Variants in NFKB2 observed in about 807,000 individuals in gnomAD.
The protein encoded by NFKB2 is nuclear factor kappa B subunit 2, also known as nuclear factor NF-kappa-B p100 subunit.
Under a neutral mutation model 109.3 loss-of-function variants are expected in NFKB2, and 21 were observed. The observed-to-expected ratio is 0.19, with a 90% CI of 0.14 to 0.28. The LOEUF (loss-of-function observed/expected upper bound fraction) is 0.28, where lower values mean the gene tolerates loss of function less well. Among genes scored for constraint, NFKB2 ranks in the 10% least tolerant of loss-of-function variants. The pLI is 1.00. For synonymous variants in NFKB2, 478 were observed against 489.9 expected (o/e 0.98, Z 0.32); for missense variants, 806 against 1,185.3 (o/e 0.68, Z 4.70).
rs749416316 is a variant in NFKB2 at position 102,398,223 on chromosome 10, G to A, written c.778G>A (p.Val260Ile). The A allele has an allele frequency of 6.2e-7, 1 of 1,614,144 alleles. No individual in the cohort carries two copies. The highest frequency in any genetic ancestry group is 8.5e-7 in the Non-Finnish European group (1 of 1,180,022). ...CGTTTTCCTTGTAGATGACATTGAG[G>A]TTCGGTTCTATGAGGATGATGAGAA... ...CDKVQKDDIE[V>I]RFYEDDENGW... The change falls in exon 10 of 23, where the codon GTT (valine) becomes ATT (isoleucine). Residue 260 changes from valine (V) to isoleucine (I), a missense_variant. This residue lies in a region of NFKB2 where 64 missense variants were observed against 177.4 expected (regional missense o/e 0.36). Transcript: ENST00000661543. This position sits in a 1 kb window ranked among gnomAD's most constrained non-coding sequence, Gnocchi z 6.6.
At position 102,396,107 on chromosome 10, in the gene NFKB2, ATC is replaced by A. The variant is rs1565203918; in HGVS notation, c.21+129_21+130del. 2.7e-6 allele frequency: 4 copies of A among 1,474,700 alleles called. No homozygotes were observed. In the African/African-American group the frequency reaches 4.2e-5, roughly 15 times the overall value. 91.4% of individuals were successfully genotyped at this position (1,474,700 alleles called of 1,614,324 possible). A position where few individuals can be genotyped will look rare whatever the true frequency, so the allele number is the denominator to read the frequency against. ...ATGCTCTCAGCCTGCCAGTCTGTCC[ATC>A]TGTCTGCAACTCTGCCTCCAAAAGG... On this transcript the variant is annotated intron_variant, in intron 2 of 22. Transcript: ENST00000661543. This position sits in a 1 kb window ranked among gnomAD's most constrained non-coding sequence, Gnocchi z 5.9.
upstream of NFKB2, chr10:102,395,550 G>C: frequency 6.1e-6 from 2 of 328,982 alleles, no homozygotes; most frequent in Non-Finnish European, 1.1e-5. Context: ...GATTCTCCTA[G>C]ACCTCTGCCC....
At position 102,402,467 on chromosome 10, in the gene NFKB2, C is replaced by T. The variant is rs370818257; in HGVS notation, c.*91C>T. On this transcript the variant is annotated 3_prime_UTR_variant, in exon 23 of 23. Transcript: ENST00000661543. ...TATTTAACACCCCACACCCACCCCT[C>T]AGTTGGGACAAATAAAGGATTCTCA... 1.6e-5 allele frequency: 11 copies of T among 706,078 alleles called. No individual in the cohort carries two copies. The highest frequency in any genetic ancestry group is 1.1e-4 in the East Asian group (4 of 35,452). The allele number at this position is 706,078 out of a possible 1,614,324, so 43.7% of individuals were successfully genotyped here.
chr10:102,396,046 A>G lies in NFKB2; in HGVS notation c.21+66A>G. On this transcript the variant is annotated intron_variant, in intron 2 of 22. Transcript: ENST00000661543. This position sits in a 1 kb window ranked among gnomAD's most constrained non-coding sequence, Gnocchi z 5.9. ...TCGTGTCTGTCCACCTGTCTGCCCG[A>G]GCCCCCTCTGCTGCCTTACACCTGT... 1 of 1,602,238 alleles carries G rather than the reference A, an allele frequency of 6.2e-7. No individual in the cohort carries two copies. The highest frequency in any genetic ancestry group is 8.5e-7 in the Non-Finnish European group (1 of 1,173,314).
At position 102,401,863 on chromosome 10, in the gene NFKB2, A is replaced by C; in HGVS notation, c.2412A>C (p.Val804=). Residue 804 remains valine (V), a synonymous_variant, in exon 21 of 23, where the codon GTA becomes GTC. Transcript: ENST00000661543. The surrounding 1 kb of genome is among the most constrained non-coding windows in gnomAD (Gnocchi z 4.2). ...AGCGTCTGGGGCTGCGCAGCCTGGT[A>C]GACACGTACCGACAGACAACCTCAC... is the stretch of plus-strand genomic sequence containing the variant. ...LAERLGLRSL[V]DTYRQTTSPS... 1 of 1,613,932 alleles carries C rather than the reference A, an allele frequency of 6.2e-7. No homozygotes were observed. Among genetic ancestry groups the C allele is most frequent in the South Asian group, 1.1e-5 (1 of 91,038 alleles).
chr10:102,402,060 G>C lies in NFKB2; in HGVS notation c.2479G>C (p.Asp827His). 1 of 1,570,544 alleles carries C rather than the reference G, an allele frequency of 6.4e-7. No individual in the cohort carries two copies. Among genetic ancestry groups the C allele is most frequent in the Non-Finnish European group, 8.6e-7 (1 of 1,157,298 alleles). ...LLRSYELAGG[D>H]LAGLLEALSD... The stretch of plus-strand genomic sequence containing the variant: ...TCTGTCTTCTCAGCTGGCTGGCGGG[G>C]ACCTGGCAGGTCTACTGGAGGCCCT... Residue 827 changes from aspartate (D) to histidine (H), a missense_variant, in exon 22 of 23, where the codon GAC (aspartate) becomes CAC (histidine). By Grantham distance (81) the Asp-to-His change is moderately conservative. Transcript: ENST00000661543.
chr10:102,400,969 G>A lies in NFKB2; in HGVS notation c.1991G>A (p.Arg664His), dbSNP rs1417074680. 4.3e-6 allele frequency: 7 copies of A among 1,613,782 alleles called. No individual in the cohort carries two copies. The highest frequency in any genetic ancestry group is 2.2e-5 in the East Asian group (1 of 44,880). The change falls in exon 18 of 23, where the codon CGC (arginine) becomes CAC (histidine). Residue 664 changes from arginine (R) to histidine (H), a missense_variant. Arg to His is a conservative substitution (Grantham distance 29). Coordinates refer to ENST00000661543, the MANE Select transcript of NFKB2 (RefSeq NM_001322934.2). The surrounding 1 kb of genome is among the most constrained non-coding windows in gnomAD (Gnocchi z 6.3). ...CAGCTCCGGGCCAACGTGAACGCTC[G>A]CACCTTTGCGGGAAACACACCCCTG... is the stretch of plus-strand genomic sequence containing the variant. ...VTKLRANVNA[R>H]TFAGNTPLHL... is the part of the protein sequence containing the mutation.
rs1167402841 is a variant in NFKB2 at position 102,396,260 on chromosome 10, A to G, written c.29A>G (p.Asp10Gly). Reference sequence around the variant, plus strand: ...AGTCTGTCTCCAAACCAGGGTCTGGATGGTATTATTGAATATGATGATTTC... The same window carrying G: ...AGTCTGTCTCCAAACCAGGGTCTGGGTGGTATTATTGAATATGATGATTTC... Reference protein sequence around the residue: MESCYNPGLDGIIEYDDFKL... With the variant: MESCYNPGLGGIIEYDDFKL... The change falls in exon 3 of 23, where the codon GAT becomes GGT. Residue 10 changes from aspartate to glycine, a missense_variant. Asp to Gly is a moderately conservative substitution (Grantham distance 94). Coordinates refer to ENST00000661543, the MANE Select transcript of NFKB2 (RefSeq NM_001322934.2). This position sits in a 1 kb window ranked among gnomAD's most constrained non-coding sequence, Gnocchi z 5.9. The G allele has an allele frequency of 1.2e-6, 2 of 1,607,110 alleles. No individual in the cohort carries two copies. Among genetic ancestry groups the G allele is most frequent in the Admixed American group, 1.7e-5 (1 of 59,876 alleles).
rs1223095913 is a variant in NFKB2 at position 102,399,710 on chromosome 10, C to T, written c.1461C>T (p.Asn487=). The change falls in exon 14 of 23, where the codon AAC becomes AAT. Residue 487 remains asparagine, a synonymous_variant. Transcript: ENST00000661543. ...QRHLLTAQDE[N]GDTPLHLAII... ...ACCTGCTGACGGCGCAGGACGAGAA[C>T]GGAGACACGTAGGCAACAGAGGGCC... The T allele has an allele frequency of 2.0e-6, 3 of 1,488,558 alleles. No individual in the cohort carries two copies. The highest frequency in any genetic ancestry group is 2.0e-4 in the Middle Eastern group (1 of 5,020). 92.2% of individuals were successfully genotyped at this position (1,488,558 alleles called of 1,614,324 possible). A position where few individuals can be genotyped will look rare whatever the true frequency, so the allele number is the denominator to read the frequency against.
Position 102,398,093 on chromosome 10 carries a change from T to C in NFKB2, c.766+8T>C, listed in dbSNP as rs1409468722. On this transcript the variant is annotated splice_region_variant and intron_variant, in intron 9 of 22. Transcript: ENST00000661543. The surrounding 1 kb of genome is among the most constrained non-coding windows in gnomAD (Gnocchi z 6.6). ...GTGACAAGGTGCAGAAAGGTGAGAC[T>C]GGAGCCCACTTTGGGCACCAAGGAC... 2 of 1,614,020 alleles carry C rather than the reference T, an allele frequency of 1.2e-6. No individual in the cohort carries two copies. The highest frequency in any genetic ancestry group is 4.5e-5 in the East Asian group (2 of 44,884).
rs1482636669 is a variant in NFKB2 at position 102,396,875 on chromosome 10, C to T, written c.244-29C>T. 3.1e-6 allele frequency: 5 copies of T among 1,600,122 alleles called. No individual in the cohort carries two copies. Among genetic ancestry groups the T allele is most frequent in the Middle Eastern group, 1.7e-4 (1 of 6,020 alleles). On this transcript the variant is annotated intron_variant, in intron 5 of 22. Transcript: ENST00000661543. This position sits in a 1 kb window ranked among gnomAD's most constrained non-coding sequence, Gnocchi z 5.9. ...GGCTAAGTGGACAGCATGCCCAAGGCCCTGACTGACAGTCCCTGCCTCTCC... is the reference window on the plus strand; with the variant it reads ...GGCTAAGTGGACAGCATGCCCAAGGTCCTGACTGACAGTCCCTGCCTCTCC...
chr10:102,400,859 G>T lies in NFKB2; in HGVS notation c.1968+35G>T. 1 of 1,576,042 alleles carries T rather than the reference G, an allele frequency of 6.3e-7. No individual in the cohort carries two copies. The highest frequency in any genetic ancestry group is 1.2e-5 in the South Asian group (1 of 86,866). Reference sequence around the variant, plus strand: ...AGGATTGTGGAAGGAGTGGGGCCAAGGGTGGTGGAGGGGCCAAAGATGGTG... The same window carrying T: ...AGGATTGTGGAAGGAGTGGGGCCAATGGTGGTGGAGGGGCCAAAGATGGTG... On this transcript the variant is annotated intron_variant, in intron 17 of 22. Transcript: ENST00000661543. This position sits in a 1 kb window ranked among gnomAD's most constrained non-coding sequence, Gnocchi z 6.3.
rs534606952 is a variant in NFKB2 at position 102,400,377 on chromosome 10, T to A, written c.1684T>A (p.Ser562Thr). 6 of 1,613,702 alleles carry A rather than the reference T, an allele frequency of 3.7e-6. No individual in the cohort carries two copies. In the East Asian group the frequency reaches 1.3e-4, roughly 36 times the overall value. Reference sequence around the variant, plus strand: ...AGCTCTGCTGGATCGGCATGGAGACTCAGCCATGCATCTGGCGCTGCGGGC... The same window carrying A: ...AGCTCTGCTGGATCGGCATGGAGACACAGCCATGCATCTGGCGCTGCGGGC... ...DPALLDRHGD[S>T]AMHLALRAGA... Residue 562 changes from serine (S) to threonine (T), a missense_variant, in exon 16 of 23, where the codon TCA becomes ACA. Physicochemically the swap from Ser to Thr is moderately conservative, Grantham distance 58 (BLOSUM62 1). Transcript: ENST00000661543. The surrounding 1 kb of genome is among the most constrained non-coding windows in gnomAD (Gnocchi z 6.3).
rs2135433912 is a variant in NFKB2, at chr10:102,399,068, C to T, written c.1117+204C>T. 9.7e-6 allele frequency: 7 copies of T among 725,284 alleles called. No homozygotes were observed. In the South Asian group the frequency reaches 1.3e-4, roughly 14 times the overall value. 44.9% of individuals were successfully genotyped at this position (725,284 alleles called of 1,614,324 possible). A position where few individuals can be genotyped will look rare whatever the true frequency, so the allele number is the denominator to read the frequency against. On this transcript the variant is annotated intron_variant, in intron 12 of 22. Coordinates refer to ENST00000661543, the MANE Select transcript of NFKB2 (RefSeq NM_001322934.2). ...TCTCTACTAAAAATACAAACATTAG[C>T]TGGGCATGGTGGCAGGCGCCTGTAA...
Position 102,397,496 on chromosome 10 carries a change from C to T in NFKB2, c.503-31C>T, listed in dbSNP as rs780960628. Reference sequence around the variant, plus strand: ...CATGGAAGGAGCAGGGAGGGAGAAGCCCAGGGGTCACACATGTACCTACTG... The same window carrying T: ...CATGGAAGGAGCAGGGAGGGAGAAGTCCAGGGGTCACACATGTACCTACTG... On this transcript the variant is annotated intron_variant, in intron 7 of 22. Coordinates refer to ENST00000661543, the MANE Select transcript of NFKB2 (RefSeq NM_001322934.2). The surrounding 1 kb of genome is among the most constrained non-coding windows in gnomAD (Gnocchi z 4.7). 135 of 1,608,770 alleles carry T rather than the reference C, an allele frequency of 8.4e-5. No homozygotes were observed. Among genetic ancestry groups the T allele is most frequent in the Admixed American group, 1.5e-4 (9 of 59,894 alleles).
In NFKB2 at chr10:102,402,324, C is replaced by A; in HGVS notation, c.2651C>A (p.Pro884His). The A allele has an allele frequency of 6.4e-7, 1 of 1,570,808 alleles. No individual in the cohort carries two copies. The highest frequency in any genetic ancestry group is 8.6e-7 in the Non-Finnish European group (1 of 1,158,244). ...GAGGCAGAGAAGCTGGGCCCACCCC[C>A]TGAGCCACCAGGAGGGCTCTGCCAC... is the stretch of plus-strand genomic sequence containing the variant. ...EQEAEKLGPP[P>H]EPPGGLCHGH... Residue 884 changes from proline to histidine, a missense_variant, in exon 23 of 23, where the codon CCT becomes CAT. Physicochemically the swap from Pro to His is moderately conservative, Grantham distance 77 (BLOSUM62 -2). Around this residue, in one of 10 missense-constraint regions of NFKB2, gnomAD observed 211 missense variants for 268.7 expected, o/e 0.79. Coordinates refer to ENST00000661543, the MANE Select transcript of NFKB2 (RefSeq NM_001322934.2).
Position 102,401,749 on chromosome 10 carries a change from G to A in NFKB2, c.2298G>A (p.Pro766=), listed in dbSNP as rs375500980. 2.3e-5 allele frequency: 37 copies of A among 1,600,032 alleles called. No homozygotes were observed. The highest frequency in any genetic ancestry group is 2.4e-5 in the Non-Finnish European group (28 of 1,171,968). The change falls in exon 21 of 23, where the codon CCG becomes CCA. Residue 766 remains proline, a synonymous_variant. Transcript: ENST00000661543. The surrounding 1 kb of genome is among the most constrained non-coding windows in gnomAD (Gnocchi z 4.2). Reference sequence around the variant, plus strand: ...CTGTATGTGTGTCCCCCTAAGGGCCGGGACTGTCACTTGGTGATACAGCTC... The same window carrying A: ...CTGTATGTGTGTCCCCCTAAGGGCCAGGACTGTCACTTGGTGATACAGCTC... ...PPLTPPSPAG[P]GLSLGDTALQ... is the part of the protein sequence containing the mutation.
chr10:102,395,675 G>T, upstream of NFKB2: 1 of 517,426 alleles, frequency 1.9e-6, no homozygotes, highest in Non-Finnish European at 3.5e-6. Context: ...GCCTCCCCTT[G>T]GTATTTTCGG....
At position 102,397,688 on chromosome 10, in the gene NFKB2, G is replaced by A. The variant is rs1348102604; in HGVS notation, c.661+3G>A. 1 of 1,600,680 alleles carries A rather than the reference G, an allele frequency of 6.2e-7. No homozygotes were observed. Among genetic ancestry groups the A allele is most frequent in the Non-Finnish European group, 8.6e-7 (1 of 1,169,284 alleles). On this transcript the variant is annotated splice_donor_region_variant and intron_variant, in intron 8 of 22. Transcript: ENST00000661543. This position sits in a 1 kb window ranked among gnomAD's most constrained non-coding sequence, Gnocchi z 4.7. ...CTCCCAGCCCATCCATGACAGCAGT[G>A]AGTATCCTGATTGCCTGGGGTGCCA...
Sources: gnomAD v4.1 joint callset for allele counts on GRCh38, gnomAD v4.1.1 for gene constraint, gnomAD v4.1.1 regional missense constraint, Gnocchi (gnomAD v3.1) non-coding constraint, MANE v1.5 for transcripts, NCBI Gene and HGNC (gene_info 2026-07-23, HGNC 2026-07-21) for gene names.